Variants in XKR9 observed in about 807,000 individuals in gnomAD.
XKR9 encodes the protein XK-related protein 9.
In XKR9, 32 loss-of-function variants were observed where a neutral mutation model predicts 32.0. The ratio of observed to expected loss-of-function variants is 1.00; its 90% CI spans 0.76 to 1.34. The LOEUF is 1.34. Ranked by LOEUF, XKR9 falls within the 40% of genes most tolerant of loss-of-function variation. XKR9 has a pLI of 0.00. For synonymous variants in XKR9, 168 were observed against 143.4 expected (o/e 1.17, Z -1.22); for missense variants, 546 against 429.7 (o/e 1.27, Z -2.39).
At chr8:70,965,522 T>C in the XKR9 span, among the ~76,000 whole-genome samples, 1 of 152,222 alleles carries the variant, frequency 6.6e-6, no homozygotes, top group Non-Finnish European at 1.5e-5. Context: ...TCAGTAGAAA[T>C]GGTACCAGCT....
chr8:70,755,459 C>T (rs552374024), intron 2 of XKR9, among the ~76,000 whole-genome samples: 9 of 152,070 alleles, frequency 5.9e-5, no homozygotes, highest in Non-Finnish European at 8.8e-5. Context: ...CACATGCACA[C>T]GTATGTTTAT....
the XKR9 span, among the ~76,000 whole-genome samples, chr8:70,988,819 C>T: frequency 2.6e-5 from 4 of 151,988 alleles, no homozygotes; most frequent in Non-Finnish European, 5.9e-5. Context: ...AACATGAATC[C>T]CTCCTCATCC....
chr8:70,859,888 G>A, the XKR9 span, among the ~76,000 whole-genome samples: 60 of 152,166 alleles, frequency 3.9e-4, no homozygotes, highest in Middle Eastern at 0.01. Flanking sequence ...GCAAATGTAC[G>A]TTTAAATGGA....
At chr8:70,700,625 G>A (rs1340451922) in intron 3 of XKR9, among the ~76,000 whole-genome samples, 4 of 152,282 alleles carry the variant, frequency 2.6e-5, no homozygotes, top group Non-Finnish European at 4.4e-5. Flanking sequence ...GCTGCTCGGG[G>A]GTCAGGGGTC....
At chr8:70,891,048 C>A in the XKR9 span, among the ~76,000 whole-genome samples, 1 of 151,900 alleles carries the variant, frequency 6.6e-6, no homozygotes, top group African/African-American at 2.4e-5. Context: ...AGAAATTTAA[C>A]CATTTCCATT....
chr8:70,763,077 A>G (rs1397654400), intron 2 of XKR9, among the ~76,000 whole-genome samples: 3 of 152,180 alleles, frequency 2.0e-5, no homozygotes, highest in East Asian at 1.9e-4. Context: ...AATTCCTACC[A>G]TTTATATGAT....
the XKR9 span, among the ~76,000 whole-genome samples, chr8:70,868,492 C>T: frequency 6.6e-6 from 1 of 151,374 alleles, no homozygotes; most frequent in Non-Finnish European, 1.5e-5. Context: ...CCCTCTGAAG[C>T]TATGGCCCGA....
At chr8:70,731,711 C>G (rs1806672612) in intron 4 of XKR9, among the ~76,000 whole-genome samples, 1 of 152,220 alleles carries the variant, frequency 6.6e-6, no homozygotes, top group South Asian at 2.1e-4. Flanking sequence ...TGGGTGATCT[C>G]TGGGCAAGGT....
the XKR9 span, among the ~76,000 whole-genome samples, chr8:70,857,698 C>A: frequency 1.3e-4 from 20 of 152,142 alleles, no homozygotes; most frequent in South Asian, 2.7e-3. Flanking sequence ...CTGATGAACA[C>A]CGATGTAAAA....
chr8:70,678,337 A>G (rs747374232), intron 2 of XKR9, among the ~76,000 whole-genome samples: 11 of 152,174 alleles, frequency 7.2e-5, no homozygotes, highest in Non-Finnish European at 1.0e-4. Context: ...TACATAATAG[A>G]TGTACATATT....
intron 3 of XKR9, among the ~76,000 whole-genome samples, chr8:70,690,199 C>T (rs1819461660): frequency 1.3e-5 from 2 of 152,006 alleles, no homozygotes; most frequent in South Asian, 4.1e-4. Context: ...ATTATTACAT[C>T]ACTCAGGTAT....
At chr8:70,951,971 A>G in the XKR9 span, among the ~76,000 whole-genome samples, 1 of 152,170 alleles carries the variant, frequency 6.6e-6, no homozygotes, top group African/African-American at 2.4e-5. Flanking sequence ...TCCTTCTGTG[A>G]TAAAACAATG....
At chr8:70,823,946 CAAAG>C in the XKR9 span, among the ~76,000 whole-genome samples, 1 of 152,132 alleles carries the variant, frequency 6.6e-6, no homozygotes, top group Non-Finnish European at 1.5e-5. Context: ...TCACTATTCT[CAAAG>C]AACTTGAAAT....
chr8:70,722,931 AC>A (rs1393611351), intron 4 of XKR9, among the ~76,000 whole-genome samples: 2 of 151,882 alleles, frequency 1.3e-5, no homozygotes, highest in Non-Finnish European at 2.9e-5. Context: ...TTTCAGATAC[AC>A]CAGTGAATCG....
At chr8:70,748,130 C>T (rs905060024) in intron 2 of XKR9, among the ~76,000 whole-genome samples, 7 of 152,192 alleles carry the variant, frequency 4.6e-5, no homozygotes, top group Non-Finnish European at 4.4e-5. Flanking sequence ...ATGACAGGGG[C>T]GGCCCATCTG....
chr8:70,831,417 G>C, the XKR9 span, among the ~76,000 whole-genome samples: 4 of 152,030 alleles, frequency 2.6e-5, no homozygotes, highest in South Asian at 8.3e-4. Flanking sequence ...TATACTTAAA[G>C]TATGTTCTTT....
Position 70,707,096 on chromosome 8 carries a change from C to G in XKR9, c.436C>G (p.Gln146Glu). The G allele has an allele frequency of 1.2e-6, 2 of 1,613,412 alleles. No individual in the cohort carries two copies. The highest frequency in any genetic ancestry group is 1.7e-6 in the Non-Finnish European group (2 of 1,179,494). The change falls in exon 4 of 5, where the codon CAA (glutamine) becomes GAA (glutamate). Residue 146 changes from glutamine to glutamate, a missense_variant. Physicochemically the swap from Gln to Glu is conservative, Grantham distance 29. Transcript: ENST00000408926. The part of the protein sequence containing the change: ...LFETYLEGCP[Q>E]LILQLYILLE... Reference sequence around the variant, plus strand: ...TGAGACCTACCTGGAAGGCTGCCCACAACTTATTCTTCAACTCTACATTCT... The same window carrying G: ...TGAGACCTACCTGGAAGGCTGCCCAGAACTTATTCTTCAACTCTACATTCT...
At chr8:70,699,094 G>C (rs888957010) in intron 3 of XKR9, among the ~76,000 whole-genome samples, 4 of 152,080 alleles carry the variant, frequency 2.6e-5, no homozygotes, top group Non-Finnish European at 4.4e-5. Context: ...ACGTGAGATG[G>C]GTTTCCTGAA....
chr8:70,730,289 C>T (rs1806621365), intron 4 of XKR9, among the ~76,000 whole-genome samples: 1 of 152,008 alleles, frequency 6.6e-6, no homozygotes, highest in Non-Finnish European at 1.5e-5. Context: ...AATGTTAAAG[C>T]TAGTTTTTAA....
Sources: allele counts gnomAD v4.1 joint callset (sites outside exome capture counted in the v4.1 genomes callset), GRCh38; gene constraint gnomAD v4.1.1; transcripts MANE v1.5; gene names NCBI Gene and HGNC (gene_info 2026-07-23, HGNC 2026-07-21).